Variants in FMN1 observed in about 807,000 individuals in gnomAD.
FMN1 encodes the protein formin-1.
Under a neutral mutation model 132.4 loss-of-function variants are expected in FMN1, and 110 were observed. That is an observed-to-expected ratio of 0.83 (90% confidence interval 0.71 to 0.97). The LOEUF (loss-of-function observed/expected upper bound fraction) is 0.97, where lower values mean the gene tolerates loss of function less well. Among genes scored for constraint, FMN1 ranks in the 50% least tolerant of loss-of-function variants. The pLI is 0.00. For missense variants in FMN1, 1,792 were observed against 1,705.3 expected (o/e 1.05, Z -0.90); for synonymous variants, 722 against 651.7 (o/e 1.11, Z -1.64).
chr15:32,898,960 G>A (rs1301362528), intron 14 of FMN1, 67 bp from the exon 15 acceptor site: 3 of 1,087,748 alleles, frequency 2.8e-6, no homozygotes, highest in Admixed American at 2.0e-5. Flanking sequence ...ACGGTTGAGA[G>A]GTGAAATCTC....
At chr15:32,832,930 G>A (rs1314575269) in intron 17 of FMN1, among the ~76,000 whole-genome samples, 1 of 152,072 alleles carries the variant, frequency 6.6e-6, no homozygotes, top group Non-Finnish European at 1.5e-5. Context: ...AGGAAGTAGG[G>A]TAGACATCAT....
chr15:33,013,940 T>TA (rs1489571000), intron 6 of FMN1, among the ~76,000 whole-genome samples: 1 of 152,242 alleles, frequency 6.6e-6, no homozygotes, highest in Non-Finnish European at 1.5e-5. Context: ...GTGTGACAGA[T>TA]ATCGCTATGA....
intron 6 of FMN1, among the ~76,000 whole-genome samples, chr15:33,056,929 C>T (rs1057405575): frequency 1.3e-5 from 2 of 152,170 alleles, no homozygotes; most frequent in East Asian, 1.9e-4. Context: ...GTAATCCCAG[C>T]GCTTTGGGAG....
chr15:32,999,188 G>C (rs1234254387), intron 7 of FMN1, among the ~76,000 whole-genome samples: 1 of 152,136 alleles, frequency 6.6e-6, no homozygotes, highest in Non-Finnish European at 1.5e-5. Flanking sequence ...ACTTGTGAAA[G>C]TTTTGTTTAT....
At chr15:32,822,580 C>T (rs1306811103) in intron 17 of FMN1, among the ~76,000 whole-genome samples, 1 of 152,018 alleles carries the variant, frequency 6.6e-6, no homozygotes, top group Non-Finnish European at 1.5e-5. Flanking sequence ...TTTTCTAAAG[C>T]CTTGATTTCT....
chr15:33,069,583 T>C (rs1257061033), intron 5 of FMN1, among the ~76,000 whole-genome samples: 7 of 152,362 alleles, frequency 4.6e-5, no homozygotes, highest in African/African-American at 1.7e-4. Context: ...ACTTGAGCCA[T>C]GTTCTTCAGT....
At chr15:33,108,636 T>C (rs1014922860) in intron 4 of FMN1, among the ~76,000 whole-genome samples, 6 of 152,098 alleles carry the variant, frequency 3.9e-5, no homozygotes, top group Non-Finnish European at 5.9e-5. Flanking sequence ...TTCAAATTCC[T>C]CTCCCCACTC....
rs369774395 is a variant in FMN1, at chr15:33,154,187, G to A, written c.728C>T (p.Thr243Met). Reference sequence around the variant, plus strand: ...CCCAAAGCCAAGGTCTGTGTCTGGCGTCTTGGGAATATCTGGGGGGCAGCT... The same window carrying A: ...CCCAAAGCCAAGGTCTGTGTCTGGCATCTTGGGAATATCTGGGGGGCAGCT... The part of the protein sequence containing the change: ...RESCPPDIPK[T>M]PDTDLGFGSF... Residue 243 changes from threonine (T) to methionine (M), a missense_variant, in exon 4 of 21, where the codon ACG (threonine) becomes ATG (methionine). Around this residue, in one of 3 missense-constraint regions of FMN1, gnomAD observed 638 missense variants for 645.2 expected, o/e 0.99. Transcript: ENST00000616417. 1.0e-4 allele frequency: 153 copies of A among 1,536,392 alleles called. No homozygotes were observed. In the East Asian group the frequency reaches 2.7e-3, roughly 27 times the overall value.
At chr15:32,856,814 G>A (rs2059142800) in intron 17 of FMN1, among the ~76,000 whole-genome samples, 1 of 152,118 alleles carries the variant, frequency 6.6e-6, no homozygotes, top group African/African-American at 2.4e-5. Flanking sequence ...ATATTAAACT[G>A]GATTTGAAAG....
intron 6 of FMN1, among the ~76,000 whole-genome samples, chr15:33,028,541 A>G (rs920801482): frequency 3.9e-5 from 6 of 151,986 alleles, no homozygotes; most frequent in African/African-American, 1.4e-4. Context: ...ATAAAAATAA[A>G]TAAATAAATA....
chr15:32,890,019 G>A (rs1274933674), intron 15 of FMN1, among the ~76,000 whole-genome samples: 1 of 152,124 alleles, frequency 6.6e-6, no homozygotes, highest in Non-Finnish European at 1.5e-5. Flanking sequence ...GAGAACATAC[G>A]ATGTTTGGTT....
At chr15:33,064,466 T>C (rs1049787280) in intron 6 of FMN1, 5 of 152,256 alleles carry the variant, frequency 3.3e-5, no homozygotes, top group African/African-American at 1.2e-4. Context: ...AAGTTGGCCA[T>C]GCATTAAATA....
chr15:33,127,861 C>T (rs1349026378), intron 4 of FMN1, among the ~76,000 whole-genome samples: 3 of 152,126 alleles, frequency 2.0e-5, no homozygotes, highest in Admixed American at 1.3e-4. Flanking sequence ...AGAAGTGAGA[C>T]AGTGCTGTTT....
chr15:33,064,175 T>C (rs574479208), intron 6 of FMN1: 36 of 152,300 alleles, frequency 2.4e-4, no homozygotes, highest in African/African-American at 8.2e-4. Context: ...ACCAGATAGA[T>C]AGATAGACCT....
At chr15:33,014,602 G>A (rs922665850) in intron 6 of FMN1, among the ~76,000 whole-genome samples, 2 of 152,088 alleles carry the variant, frequency 1.3e-5, no homozygotes, top group African/African-American at 2.4e-5. Context: ...GACAGAGAAA[G>A]GAGTAAGGCT....
chr15:33,109,843 A>G (rs934619317), intron 4 of FMN1, among the ~76,000 whole-genome samples: 3 of 151,790 alleles, frequency 2.0e-5, no homozygotes, highest in African/African-American at 7.3e-5. Flanking sequence ...TGAAAGTTAA[A>G]AAAAAAAAAT....
At chr15:32,827,985 A>G (rs970980106) in intron 17 of FMN1, among the ~76,000 whole-genome samples, 8 of 152,198 alleles carry the variant, frequency 5.3e-5, no homozygotes, top group Non-Finnish European at 1.5e-5. Context: ...TGAATAATGT[A>G]TAGTGGTTAA....
chr15:32,852,251 C>A (rs559365631), intron 17 of FMN1, among the ~76,000 whole-genome samples: 1 of 152,084 alleles, frequency 6.6e-6, no homozygotes, highest in Non-Finnish European at 1.5e-5. Flanking sequence ...GTTATCCAAG[C>A]AAGAAAAAGG....
At chr15:32,851,831 T>C (rs1306647215) in intron 17 of FMN1, among the ~76,000 whole-genome samples, 1 of 152,206 alleles carries the variant, frequency 6.6e-6, no homozygotes, top group South Asian at 2.1e-4. Flanking sequence ...AGAGCTGAAT[T>C]GCAGCTGATA....
Sources: allele counts gnomAD v4.1 joint callset (sites outside exome capture counted in the v4.1 genomes callset), GRCh38; gene constraint gnomAD v4.1.1; regional missense constraint gnomAD v4.1.1; transcripts MANE v1.5; gene names NCBI Gene and HGNC (gene_info 2026-07-23, HGNC 2026-07-21).